Variants in TGFB1 observed in about 807,000 individuals in gnomAD.
The protein encoded by TGFB1 is transforming growth factor beta-1 proprotein.
TGFB1 carries 19 observed loss-of-function variants against 43.8 expected under a neutral mutation model. The ratio of observed to expected loss-of-function variants is 0.43; its 90% CI spans 0.30 to 0.64. The LOEUF is 0.64. TGFB1 is among the 30% of genes least tolerant of loss of function. The pLI is 0.11. For synonymous variants in TGFB1, 221 were observed against 236.3 expected (o/e 0.94, Z 0.60); for missense variants, 445 against 529.8 (o/e 0.84, Z 1.57).
At chr19:41,337,931 C>T (rs2038005819) in intron 5 of TGFB1, among the ~76,000 whole-genome samples, 1 of 152,240 alleles carries the variant, frequency 6.6e-6, no homozygotes, top group Non-Finnish European at 1.5e-5. Flanking sequence ...GTGGTTCAAG[C>T]CTGTAAGGCC....
chr19:41,351,966 G>A lies in TGFB1; in HGVS notation c.355+724C>T, dbSNP rs528509123. 1.1e-4 allele frequency among the ~76,000 whole-genome samples: 16 copies of A among 152,016 alleles called. No homozygotes were observed. The East Asian group carries it at 2.9e-3, about 28-fold the overall frequency. On this transcript the variant is annotated intron_variant, in intron 1 of 6. Transcript: ENST00000221930. The stretch of plus-strand genomic sequence containing the variant: ...TCCCCACTCTGTCCCTCACGTCCCT[G>A]TGTGAAACACCGAGGACACCTCTGC...
intron 5 of TGFB1, among the ~76,000 whole-genome samples, chr19:41,337,924 G>T (rs927190340): frequency 6.6e-6 from 1 of 152,230 alleles, no homozygotes; most frequent in Admixed American, 6.5e-5. Context: ...GGGAGCAGTG[G>T]TTCAAGCCTG....
Position 41,353,535 on chromosome 19 carries a change from G to A in TGFB1, c.-491C>T, listed in dbSNP as rs1009623063. On this transcript the variant is annotated 5_prime_UTR_variant, in exon 1 of 7. Coordinates refer to ENST00000221930, the MANE Select transcript of TGFB1 (RefSeq NM_000660.7). This position sits in a 1 kb window ranked among gnomAD's most constrained non-coding sequence, Gnocchi z 5.9. ...AGCGTCCCCGGCGGCAAAGGGAGGC[G>A]GTCTGGGGTCCCCAAGTCCTGCCTC... The A allele has an allele frequency of 6.5e-6, 1 of 154,406 alleles. No homozygotes were observed. The highest frequency in any genetic ancestry group is 2.4e-5 in the African/African-American group (1 of 41,502). The allele number at this position is 154,406 out of a possible 1,614,324, so 9.6% of individuals were successfully genotyped here.
At chr19:41,348,059 G>A (rs1454322028) in intron 2 of TGFB1, among the ~76,000 whole-genome samples, 2 of 151,926 alleles carry the variant, frequency 1.3e-5, no homozygotes, top group Admixed American at 6.6e-5. Context: ...TGGAACCCAG[G>A]AGGCGGAGAT....
chr19:41,336,639 C>G (rs2037991619), intron 5 of TGFB1, among the ~76,000 whole-genome samples: 1 of 152,124 alleles, frequency 6.6e-6, no homozygotes, highest in African/African-American at 2.4e-5. Flanking sequence ...ATCCTCCTGC[C>G]TTGGCCTCCC....
At position 41,330,762 on chromosome 19, in the gene TGFB1, T is replaced by G; in HGVS notation, c.*290A>C. ...CAATAAATAGATCTAACTACAGTAG[T>G]GTTCCCCACTGGTCCCCTGTGCCTT... is the stretch of plus-strand genomic sequence containing the variant. On this transcript the variant is annotated 3_prime_UTR_variant, in exon 7 of 7. Coordinates refer to ENST00000221930, the MANE Select transcript of TGFB1 (RefSeq NM_000660.7). 1 of 416,542 alleles carries G rather than the reference T, an allele frequency of 2.4e-6. No homozygotes were observed. The highest frequency in any genetic ancestry group is 3.2e-5 in the South Asian group (1 of 30,876). 25.8% of individuals were successfully genotyped at this position (416,542 alleles called of 1,614,324 possible). A position where few individuals can be genotyped will look rare whatever the true frequency, so the allele number is the denominator to read the frequency against.
intron 5 of TGFB1, among the ~76,000 whole-genome samples, chr19:41,334,793 C>T (rs2037971683): frequency 6.6e-6 from 1 of 151,296 alleles, no homozygotes; most frequent in South Asian, 2.1e-4. Flanking sequence ...AACTGAGATC[C>T]CTGTGAACTC....
At chr19:41,333,453 TC>T (rs2037957487) in intron 5 of TGFB1, among the ~76,000 whole-genome samples, 1 of 152,078 alleles carries the variant, frequency 6.6e-6, no homozygotes, top group Non-Finnish European at 1.5e-5. Flanking sequence ...GACCTTGTGA[TC>T]CGCCCACCTC....
intron 5 of TGFB1, 68 bp from the exon 6 acceptor site, chr19:41,332,349 C>G (rs2037943050): frequency 6.4e-7 from 1 of 1,552,502 alleles, no homozygotes; most frequent in Non-Finnish European, 8.7e-7. Flanking sequence ...TGCCCCTCCT[C>G]CCCAGGTGCG....
At chr19:41,337,347 GC>G (rs2037998857) in intron 5 of TGFB1, among the ~76,000 whole-genome samples, 1 of 152,016 alleles carries the variant, frequency 6.6e-6, no homozygotes, top group Non-Finnish European at 1.5e-5. Context: ...CACCACGTTG[GC>G]CAGACTGGTC....
At chr19:41,334,828 G>C (rs1264682645) in intron 5 of TGFB1, among the ~76,000 whole-genome samples, 1 of 151,318 alleles carries the variant, frequency 6.6e-6, no homozygotes, top group South Asian at 2.1e-4. Context: ...AATTTGGTTG[G>C]ACCTCAGTTT....
intron 1 of TGFB1, among the ~76,000 whole-genome samples, chr19:41,349,957 G>A (rs1372797522): frequency 6.6e-6 from 1 of 151,630 alleles, no homozygotes; most frequent in Non-Finnish European, 1.5e-5. Flanking sequence ...AACTCAAGCT[G>A]TCTCATTCCA....
At chr19:41,339,253 C>T (rs2038025189) in intron 5 of TGFB1, among the ~76,000 whole-genome samples, 1 of 151,754 alleles carries the variant, frequency 6.6e-6, no homozygotes, top group Non-Finnish European at 1.5e-5. Context: ...GTAGCTGGGA[C>T]TACAGGCACA....
chr19:41,348,491 T>C (rs745368764), intron 1 of TGFB1, 36 bp from the exon 2 acceptor site: 3 of 1,607,996 alleles, frequency 1.9e-6, no homozygotes, highest in Non-Finnish European at 2.5e-6. Flanking sequence ...GATCAGGGGT[T>C]TGGCAGAGGT....
chr19:41,349,256 C>T (rs959686736), intron 1 of TGFB1, among the ~76,000 whole-genome samples: 4 of 152,330 alleles, frequency 2.6e-5, no homozygotes, highest in Admixed American at 1.3e-4. Flanking sequence ...ACAGCAATAA[C>T]ATTAAGCTCC....
intron 1 of TGFB1, among the ~76,000 whole-genome samples, chr19:41,350,636 G>A (rs2038177833): frequency 6.6e-6 from 1 of 152,176 alleles, no homozygotes; most frequent in African/African-American, 2.4e-5. Context: ...GGAAAAGTTT[G>A]GGGATGGGGA....
At chr19:41,339,255 A>G (rs2038025231) in intron 5 of TGFB1, among the ~76,000 whole-genome samples, 1 of 151,846 alleles carries the variant, frequency 6.6e-6, no homozygotes, top group South Asian at 2.1e-4. Context: ...AGCTGGGACT[A>G]CAGGCACACA....
intron 3 of TGFB1, 125 bp from the exon 4 acceptor site, chr19:41,342,372 C>A: frequency 1.2e-6 from 1 of 832,660 alleles, no homozygotes; most frequent in Non-Finnish European, 2.0e-6. Flanking sequence ...CCACTCTGCC[C>A]TCTCACTGCA....
chr19:41,343,521 A>G (rs922086549), intron 3 of TGFB1, among the ~76,000 whole-genome samples: 1 of 151,360 alleles, frequency 6.6e-6, no homozygotes, highest in Non-Finnish European at 1.5e-5. Flanking sequence ...GCCCTCCTAG[A>G]CTCCCCAGAT....
Sources: allele counts gnomAD v4.1 joint callset (sites outside exome capture counted in the v4.1 genomes callset), GRCh38; gene constraint gnomAD v4.1.1; non-coding constraint Gnocchi (gnomAD v3.1); transcripts MANE v1.5; gene names NCBI Gene and HGNC (gene_info 2026-07-23, HGNC 2026-07-21).